The following LOC128462377 variants were observed in gnomAD, a reference collection of about 807,000 sequenced individuals.
chr16:89,324,240 A>G, the LOC128462377 span: 7 of 1,204,200 alleles, frequency 5.8e-6, no homozygotes, highest in South Asian at 3.0e-5. Flanking sequence ...CCTCAGACAC[A>G]TGCTTGGTCA....
the LOC128462377 span, among the ~76,000 whole-genome samples, chr16:89,391,449 G>A: frequency 0.024 from 3,729 of 152,232 alleles, 158 homozygotes; most frequent in African/African-American, 0.086. Flanking sequence ...CCCAGCTGGT[G>A]TCCGCCACAG....
the LOC128462377 span, chr16:89,392,488 G>A: frequency 6.6e-6 from 1 of 152,084 alleles, no homozygotes; most frequent in Non-Finnish European, 1.5e-5. Flanking sequence ...TTTTGAAAAT[G>A]TCTCAATGGG....
the LOC128462377 span, among the ~76,000 whole-genome samples, chr16:89,328,333 G>A: frequency 1.3e-5 from 2 of 152,184 alleles, no homozygotes; most frequent in South Asian, 4.1e-4. Flanking sequence ...CTCAACAACT[G>A]CACCCCAGGA....
At chr16:89,383,179 G>A in the LOC128462377 span, among the ~76,000 whole-genome samples, 2 of 152,236 alleles carry the variant, frequency 1.3e-5, no homozygotes, top group African/African-American at 2.4e-5. Context: ...TGAGTAAAGG[G>A]AGCGGTGCGA....
At chr16:89,412,825 C>G in the LOC128462377 span, among the ~76,000 whole-genome samples, 1 of 152,172 alleles carries the variant, frequency 6.6e-6, no homozygotes, top group African/African-American at 2.4e-5. Context: ...ATATTATAAC[C>G]TACAAACAAA....
At chr16:89,392,850 G>A in the LOC128462377 span, among the ~76,000 whole-genome samples, 3 of 151,138 alleles carry the variant, frequency 2.0e-5, no homozygotes, top group Non-Finnish European at 4.4e-5. Flanking sequence ...ACATTTAACC[G>A]ACTCCATCAA....
At chr16:89,402,480 G>C in the LOC128462377 span, among the ~76,000 whole-genome samples, 7 of 152,012 alleles carry the variant, frequency 4.6e-5, no homozygotes, top group Admixed American at 3.3e-4. Flanking sequence ...AAGAGTTCAA[G>C]AGCATCCTGG....
At chr16:89,321,496 C>A in the LOC128462377 span, among the ~76,000 whole-genome samples, 6 of 151,238 alleles carry the variant, frequency 4.0e-5, no homozygotes, top group African/African-American at 1.5e-4. Context: ...GGAGCCGCAG[C>A]TGCGGGGCAG....
chr16:89,326,353 G>A, the LOC128462377 span, among the ~76,000 whole-genome samples: 666 of 152,162 alleles, frequency 4.4e-3, 6 homozygotes, highest in African/African-American at 0.016. Context: ...GAGGAGGACG[G>A]TCTGCAGAAG....
the LOC128462377 span, among the ~76,000 whole-genome samples, chr16:89,394,009 AC>A: frequency 6.6e-6 from 1 of 152,128 alleles, no homozygotes; most frequent in African/African-American, 2.4e-5. Context: ...GGGTTCCCAG[AC>A]CCCAGTGTTT....
At chr16:89,381,444 T>C in the LOC128462377 span, among the ~76,000 whole-genome samples, 1 of 151,892 alleles carries the variant, frequency 6.6e-6, no homozygotes, top group East Asian at 1.9e-4. Context: ...TTAGGGTTAT[T>C]GTATAAGGAG....
At chr16:89,392,928 G>C in the LOC128462377 span, among the ~76,000 whole-genome samples, 222 of 152,048 alleles carry the variant, frequency 1.5e-3, 1 homozygote, top group Non-Finnish European at 2.7e-3. Context: ...GCCTGCATCT[G>C]AAATGAGTGA....
At chr16:89,337,502 T>A in the LOC128462377 span, among the ~76,000 whole-genome samples, 1 of 131,544 alleles carries the variant, frequency 7.6e-6, no homozygotes, top group African/African-American at 2.8e-5. Context: ...AGTGGTGCGA[T>A]CTCAGCTCAC....
the LOC128462377 span, among the ~76,000 whole-genome samples, chr16:89,353,349 A>AG: frequency 2.2e-3 from 328 of 151,406 alleles, 1 homozygote; most frequent in African/African-American, 7.1e-3. Context: ...CTCCAAAAAA[A>AG]AAGAGAGAGA....
the LOC128462377 span, among the ~76,000 whole-genome samples, chr16:89,385,550 G>T: frequency 6.6e-6 from 1 of 151,872 alleles, no homozygotes; most frequent in South Asian, 2.1e-4. Flanking sequence ...GCCTCAAGCT[G>T]CTCCCTACCA....
chr16:89,399,448 G>A, the LOC128462377 span, among the ~76,000 whole-genome samples: 3 of 152,230 alleles, frequency 2.0e-5, no homozygotes, highest in Non-Finnish European at 2.9e-5. Context: ...TGACATCCAG[G>A]AAAGGGCAAA....
the LOC128462377 span, among the ~76,000 whole-genome samples, chr16:89,405,625 T>A: frequency 6.6e-6 from 1 of 151,746 alleles, no homozygotes; most frequent in Admixed American, 6.6e-5. Context: ...TGAGCCGCCA[T>A]GCCCGGCTTT....
the LOC128462377 span, among the ~76,000 whole-genome samples, chr16:89,409,544 C>T: frequency 6.6e-6 from 1 of 152,108 alleles, no homozygotes; most frequent in Non-Finnish European, 1.5e-5. Flanking sequence ...CTGGGTGCTG[C>T]GACTCACGCC....
chr16:89,399,103 G>A, the LOC128462377 span, among the ~76,000 whole-genome samples: 1 of 152,180 alleles, frequency 6.6e-6, no homozygotes, highest in African/African-American at 2.4e-5. Context: ...CTGACCTCCT[G>A]TCACAGCCCA....
Sources: gnomAD v4.1 joint callset for allele counts (sites outside exome capture counted in the v4.1 genomes callset) on GRCh38, gnomAD v4.1.1 for gene constraint, MANE v1.5 for transcripts.